The following SLC7A14 variants were observed in gnomAD, a reference collection of about 807,000 sequenced individuals.
SLC7A14 encodes the protein solute carrier family 7 member 14.
SLC7A14 carries 37 observed loss-of-function variants against 60.2 expected under a neutral mutation model. That is an observed-to-expected ratio of 0.61 (90% confidence interval 0.47 to 0.81). The LOEUF is 0.81. SLC7A14 is among the 30% of genes least tolerant of loss of function. SLC7A14 has a pLI of 0.00. For synonymous variants in SLC7A14, 399 were observed against 395.8 expected, an observed-to-expected ratio of 1.01 and a Z score of -0.10; for missense variants, 886 against 982.7, an observed-to-expected ratio of 0.90 and a Z score of 1.32.
At chr3:170,481,564 G>A (rs1711824835) in intron 6 of SLC7A14, among the ~76,000 whole-genome samples, 1 of 151,814 alleles carries the variant, frequency 6.6e-6, no homozygotes, top group Admixed American at 6.6e-5. Context: ...ACTACACCCG[G>A]CTAATTTTTG....
chr3:170,494,250 GA>G (rs949710566), intron 4 of SLC7A14, among the ~76,000 whole-genome samples: 9 of 152,376 alleles, frequency 5.9e-5, no homozygotes, highest in African/African-American at 2.2e-4. Flanking sequence ...GGGCTGTTGT[GA>G]AAATTAAATT....
intron 7 of SLC7A14, 129 bp downstream of exon 7, chr3:170,480,160 A>G (rs1711760993): frequency 2.2e-6 from 2 of 892,262 alleles, no homozygotes; most frequent in Admixed American, 5.8e-5. Flanking sequence ...GGCGGAACAC[A>G]AGGGTCCATA....
chr3:170,470,239 C>T (rs1739850666), intron 7 of SLC7A14, among the ~76,000 whole-genome samples: 1 of 151,644 alleles, frequency 6.6e-6, no homozygotes, highest in Admixed American at 6.6e-5. Context: ...ACAGACTATG[C>T]CCACTGCAGT....
intron 2 of SLC7A14, among the ~76,000 whole-genome samples, chr3:170,521,888 A>G (rs890969660): frequency 2.0e-5 from 3 of 151,960 alleles, no homozygotes; most frequent in African/African-American, 7.2e-5. Context: ...GCCATTGCAC[A>G]CCAGCCTGGG....
At chr3:170,496,328 C>A in intron 4 of SLC7A14, 1 of 1,069,764 alleles carries the variant, frequency 9.3e-7, no homozygotes, top group Non-Finnish European at 1.5e-6. Context: ...ACGGGGATGA[C>A]CTGCGGTGTA....
At chr3:170,518,856 C>T (rs1220004404) in intron 2 of SLC7A14, among the ~76,000 whole-genome samples, 2 of 151,994 alleles carry the variant, frequency 1.3e-5, no homozygotes, top group Non-Finnish European at 2.9e-5. Flanking sequence ...AAAGCTGGTG[C>T]CAAGAAGAAG....
intron 4 of SLC7A14, chr3:170,495,780 C>T: frequency 8.7e-7 from 1 of 1,155,314 alleles, no homozygotes; most frequent in Non-Finnish European, 1.3e-6. Context: ...GTTCCTGCAG[C>T]AGTAGAACAA....
intron 7 of SLC7A14, among the ~76,000 whole-genome samples, chr3:170,476,582 G>A (rs867707764): frequency 6.6e-5 from 10 of 152,184 alleles, no homozygotes; most frequent in African/African-American, 1.9e-4. Context: ...AGCCTGAGTC[G>A]CTGCAGGTTC....
chr3:170,538,664 G>A (rs1057454486), intron 1 of SLC7A14, among the ~76,000 whole-genome samples: 3 of 152,146 alleles, frequency 2.0e-5, no homozygotes, highest in African/African-American at 7.2e-5. Context: ...TGTAAATATG[G>A]AGCACCTAGT....
At chr3:170,555,657 G>A (rs992379791) in intron 1 of SLC7A14, among the ~76,000 whole-genome samples, 1 of 152,150 alleles carries the variant, frequency 6.6e-6, no homozygotes, top group Non-Finnish European at 1.5e-5. Flanking sequence ...TACAGCATGT[G>A]ACTATACTAA....
intron 4 of SLC7A14, among the ~76,000 whole-genome samples, chr3:170,497,736 T>G (rs1268797117): frequency 6.6e-6 from 1 of 152,226 alleles, no homozygotes; most frequent in Non-Finnish European, 1.5e-5. Flanking sequence ...ACAACATAAG[T>G]ATTTTTAGTC....
At chr3:170,561,786 A>G (rs1383032672) in intron 1 of SLC7A14, among the ~76,000 whole-genome samples, 1 of 152,162 alleles carries the variant, frequency 6.6e-6, no homozygotes, top group Non-Finnish European at 1.5e-5. Flanking sequence ...ACTCAAACAA[A>G]TTAGCAAGAA....
chr3:170,575,812 C>CT (rs2108317087), intron 1 of SLC7A14, among the ~76,000 whole-genome samples: 1 of 152,290 alleles, frequency 6.6e-6, no homozygotes, highest in Admixed American at 6.5e-5. Flanking sequence ...GAGATTTCTT[C>CT]TAGTTACAAG....
Position 170,481,064 on chromosome 3 carries a change from G to A in SLC7A14, c.1218C>T (p.Asp406=), listed in dbSNP as rs1022314619. The A allele has an allele frequency of 6.2e-7, 1 of 1,614,168 alleles. No homozygotes were observed. The highest frequency in any genetic ancestry group is 8.5e-7 in the Non-Finnish European group (1 of 1,180,038). Residue 406 remains aspartate (D), a synonymous_variant, in exon 7 of 8, where the codon GAC becomes GAT. Transcript: ENST00000231706. ...ALLALLVSLR[D]LIEMMSIGTL... is the part of the protein sequence containing the mutation. Reference sequence around the variant, plus strand: ...TGCCGATAGACATCATCTCTATCAGGTCTCTCAAGCTGACCAACAGTGCGA... The same window carrying A: ...TGCCGATAGACATCATCTCTATCAGATCTCTCAAGCTGACCAACAGTGCGA...
intron 6 of SLC7A14, among the ~76,000 whole-genome samples, chr3:170,482,608 C>G (rs77941764): frequency 5.3e-5 from 8 of 152,202 alleles, no homozygotes; most frequent in African/African-American, 1.9e-4. Flanking sequence ...CACTTCATGG[C>G]CAATGTAGGG....
intron 2 of SLC7A14, among the ~76,000 whole-genome samples, chr3:170,524,759 T>C (rs1713441079): frequency 6.6e-6 from 1 of 152,218 alleles, no homozygotes; most frequent in Non-Finnish European, 1.5e-5. Flanking sequence ...TGTGAGTAAT[T>C]TATTTTCATC....
intron 2 of SLC7A14, among the ~76,000 whole-genome samples, chr3:170,519,537 GAGGTCAAGGCGGGC>G (rs1277693001): frequency 6.6e-6 from 1 of 152,238 alleles, no homozygotes; most frequent in Non-Finnish European, 1.5e-5. Context: ...AACACTTAGG[GAGGTCAAGGCGGGC>G]AGATCACCTA....
rs889545630 is a variant in SLC7A14 at position 170,466,785 on chromosome 3, G to C, written c.*270C>G. ...GGAAACATTTGGTACCATCAGCTCT[G>C]GTGGTTGCACCTAAGATGGAATTTC... On this transcript the variant is annotated 3_prime_UTR_variant, in exon 8 of 8. Transcript: ENST00000231706. 52 of 368,294 alleles carry C rather than the reference G, an allele frequency of 1.4e-4. No individual in the cohort carries two copies. The highest frequency in any genetic ancestry group is 3.9e-5 in the Non-Finnish European group (8 of 204,624). 22.8% of individuals were successfully genotyped at this position (368,294 alleles called of 1,614,324 possible). A position where few individuals can be genotyped will look rare whatever the true frequency, so the allele number is the denominator to read the frequency against.
chr3:170,585,230 T>C lies in SLC7A14; in HGVS notation c.-153+681A>G, dbSNP rs750626652. ...AGCTCCCCTTGCTGGGGCTGCCGGC[T>C]CTGGGCAGGGAGCTTCCCTGGACAC... is the stretch of plus-strand genomic sequence containing the variant. On this transcript the variant is annotated intron_variant, in intron 1 of 7. Coordinates refer to ENST00000231706, the MANE Select transcript of SLC7A14 (RefSeq NM_020949.3). This position sits in a 1 kb window ranked among gnomAD's most constrained non-coding sequence, Gnocchi z 5.1. Among the ~76,000 whole-genome samples the C allele has an allele frequency of 6.6e-6, 1 of 152,242 alleles. No individual in the cohort carries two copies. Among genetic ancestry groups the C allele is most frequent in the South Asian group, 2.1e-4 (1 of 4,824 alleles).
Sources: gnomAD v4.1 joint callset for allele counts (sites outside exome capture counted in the v4.1 genomes callset) on GRCh38, gnomAD v4.1.1 for gene constraint, Gnocchi (gnomAD v3.1) non-coding constraint, MANE v1.5 for transcripts, NCBI Gene and HGNC (gene_info 2026-07-23, HGNC 2026-07-21) for gene names.